The following MLKL variants were observed in gnomAD, a reference collection of about 807,000 sequenced individuals.
MLKL encodes mixed lineage kinase domain-like protein.
MLKL carries 55 observed loss-of-function variants against 56.5 expected under a neutral mutation model. That is an observed-to-expected ratio of 0.97 (90% CI 0.78 to 1.22). The LOEUF is 1.22. Among genes scored for constraint, MLKL ranks in the 50% most tolerant of loss-of-function variants. MLKL has a pLI of 0.00. For missense variants in MLKL, 694 were observed against 573.9 expected (o/e 1.21, Z -2.14); for synonymous variants, 251 against 208.3 (o/e 1.20, Z -1.76).
At chr16:74,690,411 T>C (rs4636931) in intron 4 of MLKL, among the ~76,000 whole-genome samples, 110,716 of 151,990 alleles carry the variant, frequency 0.73, 40,657 homozygotes, top group African/African-American at 0.81. Flanking sequence ...GAAGGATTCT[T>C]ATACAGGTCC....
At chr16:74,696,633 AAAAATAAAAT>A (rs1236215820) in intron 1 of MLKL, among the ~76,000 whole-genome samples, 2 of 151,788 alleles carry the variant, frequency 1.3e-5, no homozygotes, top group Non-Finnish European at 2.9e-5. Context: ...CAAAAATAAA[AAAAATAAAAT>A]AAAATAAAAT....
chr16:74,691,537 T>C, intron 3 of MLKL, 74 bp from the exon 4 acceptor site: 1 of 1,479,024 alleles, frequency 6.8e-7, no homozygotes, highest in Non-Finnish European at 9.1e-7. Flanking sequence ...GGAGGTGGCA[T>C]ATTTGTGATG....
intron 3 of MLKL, 55 bp downstream of exon 3, chr16:74,692,287 C>T (rs11640505): frequency 1.8e-4 from 263 of 1,499,794 alleles, no homozygotes; most frequent in Non-Finnish European, 2.4e-4. Context: ...TCCCAGTAAA[C>T]TGATGACTTC....
At chr16:74,678,845 CAT>C (rs1445980346) in intron 7 of MLKL, 52 bp downstream of exon 7, 15 of 1,307,038 alleles carry the variant, frequency 1.1e-5, no homozygotes, top group Non-Finnish European at 1.4e-5. Flanking sequence ...GTGCCCCTCT[CAT>C]AGCACCAGTC....
At chr16:74,683,212 G>C (rs1452924779) in intron 5 of MLKL, among the ~76,000 whole-genome samples, 4 of 151,850 alleles carry the variant, frequency 2.6e-5, no homozygotes, top group African/African-American at 9.7e-5. Flanking sequence ...GGGAGGCTGA[G>C]GCAGGAGAAT....
chr16:74,682,937 C>T (rs1224297505), intron 5 of MLKL, 151 bp from the exon 6 acceptor site: 15 of 893,596 alleles, frequency 1.7e-5, no homozygotes, highest in Middle Eastern at 2.3e-4. Context: ...TTTTGGTCCC[C>T]GGCCTCCTTG....
At chr16:74,679,771 C>T (rs771733484) in intron 6 of MLKL, among the ~76,000 whole-genome samples, 14 of 151,980 alleles carry the variant, frequency 9.2e-5, no homozygotes, top group Non-Finnish European at 1.5e-4. Context: ...GCCGAGATCA[C>T]GCCACTATAC....
At position 74,691,409 on chromosome 16, in the gene MLKL, T is replaced by C. The variant is rs778911112; in HGVS notation, c.590A>G (p.Lys197Arg). ...CGGGGATCCTGAAAGCTGCTCCTTC[T>C]TGATCTCCTTGATTTGCTCTTGCGG... ...EIPQEQIKEI[K>R]KEQLSGSPWI... is the part of the protein sequence containing the mutation. Residue 197 changes from lysine (K) to arginine (R), a missense_variant, in exon 4 of 11, where the codon AAG becomes AGG. Physicochemically the swap from Lys to Arg is conservative, Grantham distance 26. Transcript: ENST00000308807. 2.0e-5 allele frequency: 32 copies of C among 1,614,166 alleles called. No homozygotes were observed. The South Asian group carries it at 3.2e-4, about 16-fold the overall frequency.
chr16:74,696,966 AATATATATG>A (rs1961081587), intron 1 of MLKL, among the ~76,000 whole-genome samples: 1 of 142,894 alleles, frequency 7.0e-6, no homozygotes, highest in East Asian at 2.0e-4. Flanking sequence ...TATATATAGT[AATATATATG>A]TAATATTACA....
rs568176824 is a variant in MLKL, at chr16:74,697,053, A to T, written c.-2-1294T>A. On this transcript the variant is annotated intron_variant, in intron 1 of 10. Coordinates refer to ENST00000308807, the MANE Select transcript of MLKL (RefSeq NM_152649.4). ...TACATATATATAATATTACATATAT[A>T]TTATATATATAAGTTAGCCTGGTGT... Among the ~76,000 whole-genome samples the T allele has an allele frequency of 1.7e-3, 254 of 148,150 alleles. 4 individuals are homozygous for T. Among genetic ancestry groups the T allele is most frequent in the Admixed American group, 5.0e-3 (74 of 14,680 alleles).
intron 5 of MLKL, among the ~76,000 whole-genome samples, chr16:74,685,027 G>A (rs950038809): frequency 1.3e-5 from 2 of 152,072 alleles, no homozygotes; most frequent in Non-Finnish European, 1.5e-5. Context: ...ACCAGACCCA[G>A]CTAATTTTTG....
intron 4 of MLKL, among the ~76,000 whole-genome samples, chr16:74,691,053 GT>G (rs780588238): frequency 2.8e-3 from 411 of 146,046 alleles, no homozygotes; most frequent in Middle Eastern, 7.1e-3. Context: ...AGGGAAAGTT[GT>G]TTTTTTTTTT....
At chr16:74,694,856 TTTTGTTTG>T (rs112051972) in intron 2 of MLKL, among the ~76,000 whole-genome samples, 40 of 150,810 alleles carry the variant, frequency 2.7e-4, no homozygotes, top group Middle Eastern at 3.2e-3. Context: ...ATGTTAGGAG[TTTTGTTTG>T]TTTGTTTGTT....
chr16:74,687,897 G>C (rs1464637971), intron 4 of MLKL, among the ~76,000 whole-genome samples: 3 of 148,730 alleles, frequency 2.0e-5, no homozygotes, highest in Non-Finnish European at 4.5e-5. Context: ...GTGATCTCAG[G>C]TCACTGCAAG....
At chr16:74,684,501 T>TG (rs954275379) in intron 5 of MLKL, among the ~76,000 whole-genome samples, 15 of 151,266 alleles carry the variant, frequency 9.9e-5, no homozygotes, top group Admixed American at 7.2e-4. Context: ...TGGTTTTTTT[T>TG]TTTGTTTGTT....
chr16:74,689,158 A>G (rs1380525223), intron 4 of MLKL, among the ~76,000 whole-genome samples: 1 of 144,210 alleles, frequency 6.9e-6, no homozygotes, highest in Non-Finnish European at 1.5e-5. Context: ...TCTGTTACCC[A>G]GGCTGGAGTG....
At chr16:74,692,983 A>G (rs1960765429) in intron 2 of MLKL, among the ~76,000 whole-genome samples, 1 of 152,208 alleles carries the variant, frequency 6.6e-6, no homozygotes, top group African/African-American at 2.4e-5. Flanking sequence ...GGGGACATGA[A>G]ACCCTGACTA....
chr16:74,688,074 C>A (rs938185988), intron 4 of MLKL, among the ~76,000 whole-genome samples: 6 of 152,148 alleles, frequency 3.9e-5, no homozygotes, highest in African/African-American at 1.4e-4. Flanking sequence ...TCTGCCCGCC[C>A]TGGCCTCCCA....
At chr16:74,685,447 G>A (rs764292724) in intron 5 of MLKL, 39 bp downstream of exon 5, 1 of 1,484,032 alleles carries the variant, frequency 6.7e-7, no homozygotes, top group Non-Finnish European at 9.4e-7. Context: ...TGTGTTCTAG[G>A]CCATCCAAAG....
Sources: gnomAD v4.1 joint callset for allele counts (sites outside exome capture counted in the v4.1 genomes callset) on GRCh38, gnomAD v4.1.1 for gene constraint, MANE v1.5 for transcripts, NCBI Gene and HGNC (gene_info 2026-07-23, HGNC 2026-07-21) for gene names.